CCDC178: variants seen among roughly 807,000 people sequenced by gnomAD.
CCDC178 encodes the protein coiled-coil domain containing 178, also known as coiled-coil domain-containing protein 178.
In CCDC178, 126 loss-of-function variants were observed where a neutral mutation model predicts 117.4. That is an observed-to-expected ratio of 1.07 (90% CI 0.93 to 1.24). The LOEUF (loss-of-function observed/expected upper bound fraction) is 1.24. Among genes scored for constraint, CCDC178 ranks in the 50% most tolerant of loss-of-function variants. The pLI, the probability that CCDC178 is intolerant of heterozygous loss-of-function variation, is 0.00. For missense variants in CCDC178, 1,030 were observed against 986.9 expected, an observed-to-expected ratio of 1.04 and a Z score of -0.59; for synonymous variants, 283 against 313.4, an observed-to-expected ratio of 0.90 and a Z score of 1.02.
chr18:33,319,871 CT>C (rs1230952429), intron 11 of CCDC178, among the ~76,000 whole-genome samples: 1 of 152,154 alleles, frequency 6.6e-6, no homozygotes, highest in East Asian at 1.9e-4. Flanking sequence ...CCTTTGCCAA[CT>C]TTTTGATGGG....
intron 14 of CCDC178, among the ~76,000 whole-genome samples, chr18:33,255,157 TC>T (rs2059664173): frequency 6.6e-6 from 1 of 152,050 alleles, no homozygotes; most frequent in South Asian, 2.1e-4. Context: ...TCCAGCATGT[TC>T]TGATGCAGCA....
intron 22 of CCDC178, 80 bp downstream of exon 22, chr18:32,974,467 T>C: frequency 7.5e-7 from 1 of 1,328,226 alleles, no homozygotes; most frequent in Non-Finnish European, 1.1e-6. Context: ...GATATGGTTT[T>C]AATGCTTCAT....
chr18:33,082,553 T>C (rs2057314230), intron 21 of CCDC178, among the ~76,000 whole-genome samples: 2 of 152,212 alleles, frequency 1.3e-5, no homozygotes, highest in South Asian at 4.1e-4. Context: ...TTCCACTTAG[T>C]TTAGTATAAT....
At position 32,983,438 on chromosome 18, in the gene CCDC178, G is replaced by C; in HGVS notation, c.2389-8757C>G. Reference sequence around the variant, plus strand: ...ATCTACAAACACAGTCAAACAAATAGTACAACTGTAGAAGCAGCTCTAAGA... The same window carrying C: ...ATCTACAAACACAGTCAAACAAATACTACAACTGTAGAAGCAGCTCTAAGA... On this transcript the variant is annotated intron_variant, in intron 21 of 22. Coordinates refer to ENST00000383096, the MANE Select transcript of CCDC178 (RefSeq NM_001105528.4). The C allele has an allele frequency of 6.7e-6, 5 of 742,880 alleles. No homozygotes were observed. The South Asian group carries it at 8.3e-5, about 12-fold the overall frequency. The allele number at this position is 742,880 out of a possible 1,614,324, so 46.0% of individuals were successfully genotyped here.
intron 21 of CCDC178, among the ~76,000 whole-genome samples, chr18:33,072,237 G>T (rs1457228988): frequency 2.0e-5 from 3 of 151,898 alleles, no homozygotes; most frequent in Non-Finnish European, 4.4e-5. Context: ...AGGCATATAA[G>T]CTATCTTTTA....
intron 20 of CCDC178, among the ~76,000 whole-genome samples, chr18:33,203,829 T>C (rs1289287989): frequency 6.6e-5 from 10 of 152,254 alleles, no homozygotes; most frequent in African/African-American, 2.4e-5. Flanking sequence ...CTTGAACATA[T>C]AGGCATGCTG....
chr18:33,145,384 C>A (rs1358906142), intron 20 of CCDC178, among the ~76,000 whole-genome samples: 1 of 152,094 alleles, frequency 6.6e-6, no homozygotes, highest in Non-Finnish European at 1.5e-5. Context: ...CACGTTTATA[C>A]AATATCTCCA....
At chr18:33,357,141 G>A (rs1309663119) in intron 6 of CCDC178, among the ~76,000 whole-genome samples, 11 of 151,940 alleles carry the variant, frequency 7.2e-5, no homozygotes, top group Admixed American at 7.2e-4. Flanking sequence ...CCTAACCAAT[G>A]TATAACTTGC....
At chr18:33,053,957 G>A (rs1458203358) in intron 21 of CCDC178, among the ~76,000 whole-genome samples, 2 of 151,998 alleles carry the variant, frequency 1.3e-5, no homozygotes, top group African/African-American at 4.8e-5. Context: ...ATTATTTTAT[G>A]TTAAAATATA....
At chr18:33,097,035 T>C (rs1567986448) in intron 20 of CCDC178, among the ~76,000 whole-genome samples, 1 of 152,132 alleles carries the variant, frequency 6.6e-6, no homozygotes, top group African/African-American at 2.4e-5. Flanking sequence ...TCAGTCTCGA[T>C]GTTTTTTCCA....
intron 20 of CCDC178, among the ~76,000 whole-genome samples, chr18:33,120,292 T>C (rs1277885835): frequency 2.6e-5 from 4 of 152,160 alleles, no homozygotes; most frequent in Admixed American, 6.6e-5. Context: ...TCTCTCCCAA[T>C]CAACAAGCAA....
intron 20 of CCDC178, among the ~76,000 whole-genome samples, chr18:33,194,815 G>C (rs1046836743): frequency 6.1e-5 from 9 of 146,406 alleles, no homozygotes; most frequent in Non-Finnish European, 8.9e-5. Context: ...TGTAATCCCA[G>C]AACTTTGAGA....
At chr18:33,101,799 T>C (rs1598884350) in intron 20 of CCDC178, among the ~76,000 whole-genome samples, 5 of 152,106 alleles carry the variant, frequency 3.3e-5, no homozygotes, top group Non-Finnish European at 1.5e-5. Flanking sequence ...ACACATATTA[T>C]GGCATAAATT....
chr18:32,992,185 T>C (rs1323437180), intron 21 of CCDC178, among the ~76,000 whole-genome samples: 1 of 152,228 alleles, frequency 6.6e-6, no homozygotes, highest in Non-Finnish European at 1.5e-5. Flanking sequence ...TTTCTGTAAA[T>C]GAGCTTTTGG....
chr18:33,031,218 T>A (rs1402601804), intron 21 of CCDC178, among the ~76,000 whole-genome samples: 1 of 152,042 alleles, frequency 6.6e-6, no homozygotes, highest in Non-Finnish European at 1.5e-5. Context: ...CTTTAATGAC[T>A]TTTTTACTAC....
At chr18:33,420,474 T>A (rs746928697) in intron 2 of CCDC178, among the ~76,000 whole-genome samples, 3 of 152,132 alleles carry the variant, frequency 2.0e-5, no homozygotes, top group African/African-American at 7.2e-5. Context: ...ATGCCTCAGC[T>A]TCCTGAGTAA....
At chr18:33,063,306 A>G (rs894293588) in intron 21 of CCDC178, among the ~76,000 whole-genome samples, 3 of 152,084 alleles carry the variant, frequency 2.0e-5, no homozygotes, top group Non-Finnish European at 4.4e-5. Context: ...TGGAGATCAA[A>G]CTGTTCTGCC....
rs150381627 is a variant in CCDC178, at chr18:33,150,649, G to A, written c.2239-57739C>T. ...GTTCAACATCACGAGATGTTGGTGTGGATGTGGTGAAAAGGGAACACTTTT... is the reference window on the plus strand; with the variant it reads ...GTTCAACATCACGAGATGTTGGTGTAGATGTGGTGAAAAGGGAACACTTTT... On this transcript the variant is annotated intron_variant, in intron 20 of 22. Coordinates refer to ENST00000383096, the MANE Select transcript of CCDC178 (RefSeq NM_001105528.4). Among the ~76,000 whole-genome samples the A allele has an allele frequency of 5.2e-4, 79 of 152,124 alleles. 1 individual carries two copies. Among genetic ancestry groups the A allele is most frequent in the Non-Finnish European group, 1.0e-3 (70 of 67,922 alleles).
chr18:33,308,347 G>A (rs2062286627), intron 11 of CCDC178, among the ~76,000 whole-genome samples: 1 of 152,132 alleles, frequency 6.6e-6, no homozygotes, highest in Non-Finnish European at 1.5e-5. Context: ...GGGGCCTGTA[G>A]CCCCCTTTTT....
Sources: allele counts gnomAD v4.1 joint callset (sites outside exome capture counted in the v4.1 genomes callset), GRCh38; gene constraint gnomAD v4.1.1; transcripts MANE v1.5; gene names NCBI Gene and HGNC (gene_info 2026-07-23, HGNC 2026-07-21).